C5orf34: variants seen among roughly 807,000 people sequenced by gnomAD.
C5orf34 encodes the protein chromosome 5 open reading frame 34.
C5orf34 carries 73 observed loss-of-function variants against 78.4 expected under a neutral mutation model. That is an observed-to-expected ratio of 0.93 (90% CI 0.77 to 1.13). The LOEUF (loss-of-function observed/expected upper bound fraction) is 1.13, where lower values mean the gene tolerates loss of function less well. Ranked by LOEUF, C5orf34 falls within the 50% of genes most tolerant of loss-of-function variation. The pLI, the probability that C5orf34 is intolerant of heterozygous loss-of-function variation, is 0.00. For missense variants in C5orf34, 730 were observed against 732.7 expected (o/e 1.00, Z 0.04); for synonymous variants, 251 against 246.6 (o/e 1.02, Z -0.17).
intron 3 of C5orf34, among the ~76,000 whole-genome samples, chr5:43,507,885 T>A (rs1282185886): frequency 6.6e-6 from 1 of 152,074 alleles, no homozygotes; most frequent in Non-Finnish European, 1.5e-5. Context: ...GAGACCATGC[T>A]GGCTAACATG....
At chr5:43,492,658 TCTTTGTTCTGTTTTCC>T in intron 9 of C5orf34, 46 bp downstream of exon 9, 1 of 1,405,334 alleles carries the variant, frequency 7.1e-7, no homozygotes. Context: ...TACTTTGTTT[TCTTTGTTCTGTTTTCC>T]ACAGATTACC....
At chr5:43,508,041 G>A (rs2112327237) in intron 3 of C5orf34, among the ~76,000 whole-genome samples, 1 of 141,714 alleles carries the variant, frequency 7.1e-6, no homozygotes, top group Non-Finnish European at 1.5e-5. Flanking sequence ...TCGTGCCACT[G>A]CACTCCAGCC....
rs1258817465 is a variant in C5orf34, at chr5:43,506,321, C to T, written c.359G>A (p.Ser120Asn). The change falls in exon 4 of 13, where the codon AGT becomes AAT. Residue 120 changes from serine (S) to asparagine (N), a missense_variant. Transcript: ENST00000306862. ...TAAAGATGTTATCTTCACAATGCCA[C>T]TCTCCATATATATCATGGTACCATC... is the stretch of plus-strand genomic sequence containing the variant. ...DTDGTMIYMESGIVKITSLDG... is the reference protein window; with the variant it reads ...DTDGTMIYMENGIVKITSLDG... 1.2e-6 allele frequency: 2 copies of T among 1,613,924 alleles called. No homozygotes were observed.
At position 43,492,838 on chromosome 5, in the gene C5orf34, AG is replaced by A. The variant is rs762622319; in HGVS notation, c.1366del (p.Leu456SerfsTer21). The A allele has an allele frequency of 1.2e-6, 2 of 1,611,736 alleles. No homozygotes were observed. Among genetic ancestry groups the A allele is most frequent in the African/African-American group, 1.3e-5 (1 of 74,882 alleles). ...NILPLVLKES[L>X]IPSVGRFLAY... ...AAGAAATCTTCCCACACTGGGTATG[AG>A]TGACTCTTTCAAAACCAAAGGCAGT... On this transcript the variant is annotated frameshift_variant, in exon 9 of 13. Transcript: ENST00000306862. LOFTEE classifies it high-confidence loss of function.
intron 6 of C5orf34, chr5:43,495,828 G>A: frequency 6.3e-7 from 1 of 1,582,776 alleles, no homozygotes; most frequent in Non-Finnish European, 8.7e-7. Flanking sequence ...CATCCCTTGA[G>A]CCAAGGCATG....
chr5:43,493,449 A>T lies in C5orf34; in HGVS notation c.1314+94T>A, dbSNP rs1745366142. On this transcript the variant is annotated intron_variant, in intron 8 of 12. Transcript: ENST00000306862. The stretch of plus-strand genomic sequence containing the variant: ...CATTAATGTTACAAGAATTTCTCAC[A>T]TGACTTAGAGGAAAACTGTTTGAAC... 3 of 739,734 alleles carry T rather than the reference A, an allele frequency of 4.1e-6. No individual in the cohort carries two copies. The Admixed American group carries it at 8.2e-5, about 20-fold the overall frequency. The allele number at this position is 739,734 out of a possible 1,614,324, so 45.8% of individuals were successfully genotyped here.
chr5:43,499,777 T>C (rs929450264), intron 6 of C5orf34, among the ~76,000 whole-genome samples: 2 of 152,246 alleles, frequency 1.3e-5, no homozygotes, highest in African/African-American at 4.8e-5. Flanking sequence ...TTCCAGAATC[T>C]ATTACTGTAT....
chr5:43,509,127 C>T lies in C5orf34; in HGVS notation c.195+18G>A, dbSNP rs774472684. ...CTCTAAAAAACAAAAAAGTTGTTTACGTGATATCTTTACTTACTCTGTAAG... is the reference window on the plus strand; with the variant it reads ...CTCTAAAAAACAAAAAAGTTGTTTATGTGATATCTTTACTTACTCTGTAAG... On this transcript the variant is annotated intron_variant, in intron 2 of 12. Coordinates refer to ENST00000306862, the MANE Select transcript of C5orf34 (RefSeq NM_198566.4). The T allele has an allele frequency of 1.1e-5, 17 of 1,598,638 alleles. No individual in the cohort carries two copies. The highest frequency in any genetic ancestry group is 1.7e-4 in the Middle Eastern group (1 of 5,876).
rs138261361 is a variant in C5orf34 at position 43,506,205 on chromosome 5, C to T, written c.475G>A (p.Ala159Thr). ...CKVSQKSDSS[A>T]VLSETNNKAP... ...TTATTATTTGTTTCTGACAACACTG[C>T]AGATGAGTCTGACTTCTGGCTAACT... Residue 159 changes from alanine to threonine, a missense_variant, in exon 4 of 13, where the codon GCA (alanine) becomes ACA (threonine). Physicochemically the swap from Ala to Thr is moderately conservative, Grantham distance 58. Coordinates refer to ENST00000306862, the MANE Select transcript of C5orf34 (RefSeq NM_198566.4). 3 of 1,614,034 alleles carry T rather than the reference C, an allele frequency of 1.9e-6. No homozygotes were observed. Among genetic ancestry groups the T allele is most frequent in the Non-Finnish European group, 2.5e-6 (3 of 1,180,034 alleles).
chr5:43,488,256 C>A (rs141812613), intron 11 of C5orf34: 5 of 318,396 alleles, frequency 1.6e-5, no homozygotes, highest in African/African-American at 1.1e-4. Flanking sequence ...ACCTAGCTTA[C>A]ACTCTACTTT....
At chr5:43,497,143 T>C (rs754190009) in intron 6 of C5orf34, among the ~76,000 whole-genome samples, 5 of 134,844 alleles carry the variant, frequency 3.7e-5, no homozygotes, top group Admixed American at 8.2e-5. Flanking sequence ...TTGAAAAAAA[T>C]TGTTATTTTA....
chr5:43,492,912 TAGC>T, intron 8 of C5orf34, 22 bp from the exon 9 acceptor site: 2 of 1,507,648 alleles, frequency 1.3e-6, no homozygotes, highest in Middle Eastern at 1.7e-4. Flanking sequence ...TAAATAAAAA[TAGC>T]AGGAAATAGA....
At chr5:43,504,276 G>A (rs1745886301) in intron 4 of C5orf34, among the ~76,000 whole-genome samples, 1 of 147,278 alleles carries the variant, frequency 6.8e-6, no homozygotes, top group Admixed American at 6.9e-5. Context: ...CAGCCTGGGT[G>A]ACAGAGCGAG....
Position 43,505,741 on chromosome 5 carries a change from G to A in C5orf34, c.932+7C>T. 1 of 1,542,708 alleles carries A rather than the reference G, an allele frequency of 6.5e-7. No individual in the cohort carries two copies. Among genetic ancestry groups the A allele is most frequent in the East Asian group, 2.3e-5 (1 of 44,252 alleles). Reference sequence around the variant, plus strand: ...AGCTTCATGACCAATAGCCATTACTGCATTACCTGTGTAGGTGTGGGACTG... The same window carrying A: ...AGCTTCATGACCAATAGCCATTACTACATTACCTGTGTAGGTGTGGGACTG... On this transcript the variant is annotated splice_region_variant and intron_variant, in intron 4 of 12. Transcript: ENST00000306862.
Position 43,505,862 on chromosome 5 carries a change from G to T in C5orf34, c.818C>A (p.Ala273Glu). ...TAAAAATCTACTCTGAGTTATATGT[G>T]CATCAATTTTAGACATATTGCTGAT... is the stretch of plus-strand genomic sequence containing the variant. The part of the protein sequence containing the change: ...NKISNMSKID[A>E]HITQSRFLTS... The change falls in exon 4 of 13, where the codon GCA (alanine) becomes GAA (glutamate). Residue 273 changes from alanine (A) to glutamate (E), a missense_variant. By Grantham distance (107) the Ala-to-Glu change is moderately radical. Coordinates refer to ENST00000306862, the MANE Select transcript of C5orf34 (RefSeq NM_198566.4). 1 of 1,613,702 alleles carries T rather than the reference G, an allele frequency of 6.2e-7. No homozygotes were observed. The highest frequency in any genetic ancestry group is 1.1e-5 in the South Asian group (1 of 91,014).
At chr5:43,500,742 A>T (rs575759807) in intron 6 of C5orf34, among the ~76,000 whole-genome samples, 57 of 152,322 alleles carry the variant, frequency 3.7e-4, no homozygotes, top group African/African-American at 1.3e-3. Context: ...AAGCTTGTCA[A>T]ACTTTTCTTT....
chr5:43,498,616 C>A (rs1041339927), intron 6 of C5orf34, among the ~76,000 whole-genome samples: 1 of 152,182 alleles, frequency 6.6e-6, no homozygotes, highest in African/African-American at 2.4e-5. Flanking sequence ...AGTCAGCAAT[C>A]AATTCTGTCT....
At chr5:43,491,097 T>C (rs1745262092) in intron 10 of C5orf34, among the ~76,000 whole-genome samples, 1 of 152,182 alleles carries the variant, frequency 6.6e-6, no homozygotes, top group Non-Finnish European at 1.5e-5. Context: ...AAAATAAGAC[T>C]GACTGAGCAT....
chr5:43,506,930 T>G (rs976572989), intron 3 of C5orf34, among the ~76,000 whole-genome samples: 1 of 152,060 alleles, frequency 6.6e-6, no homozygotes, highest in Admixed American at 6.5e-5. Context: ...AAAATTTACA[T>G]GAGATAACAT....
Sources: gnomAD v4.1 joint callset for allele counts (sites outside exome capture counted in the v4.1 genomes callset) on GRCh38, gnomAD v4.1.1 for gene constraint, MANE v1.5 for transcripts, NCBI Gene and HGNC (gene_info 2026-07-23, HGNC 2026-07-21) for gene names.